The following HS3ST4 variants were observed in gnomAD, a reference collection of about 807,000 sequenced individuals.
HS3ST4 encodes heparan sulfate glucosamine 3-O-sulfotransferase 4.
HS3ST4 carries 17 observed loss-of-function variants against 29.2 expected under a neutral mutation model. The observed-to-expected ratio is 0.58, with a 90% CI of 0.40 to 0.87. HS3ST4 has a LOEUF of 0.87. Ranked by LOEUF, HS3ST4 falls within the 40% of genes least tolerant of loss-of-function variation. The pLI, the probability that HS3ST4 is intolerant of heterozygous loss-of-function variation, is 0.00. For missense variants in HS3ST4, 627 were observed against 634.5 expected (o/e 0.99, Z 0.13); for synonymous variants, 314 against 285.7 (o/e 1.10, Z -1.00).
chr16:26,127,512 A>T (rs952688148), intron 1 of HS3ST4, among the ~76,000 whole-genome samples: 4 of 152,188 alleles, frequency 2.6e-5, no homozygotes, highest in South Asian at 2.1e-4. Context: ...ATGTTGACAA[A>T]CCCTCATTTC....
At chr16:25,886,849 G>A (rs1347771180) in intron 1 of HS3ST4, 2 of 152,234 alleles carry the variant, frequency 1.3e-5, no homozygotes, top group African/African-American at 4.8e-5. Flanking sequence ...CGCAGGTGGT[G>A]CTTCTGACTT....
chr16:25,821,892 T>G (rs1161597567), intron 1 of HS3ST4, among the ~76,000 whole-genome samples: 1 of 152,016 alleles, frequency 6.6e-6, no homozygotes, highest in Non-Finnish European at 1.5e-5. Context: ...CAACTCCATC[T>G]CTTAAAGAAA....
intron 1 of HS3ST4, among the ~76,000 whole-genome samples, chr16:25,909,804 G>A (rs1567270293): frequency 3.3e-5 from 5 of 152,198 alleles, no homozygotes; most frequent in Admixed American, 2.0e-4. Flanking sequence ...TGGCTTGTGA[G>A]GGTCAGTACA....
intron 1 of HS3ST4, among the ~76,000 whole-genome samples, chr16:25,905,749 C>A (rs1221937571): frequency 6.6e-6 from 1 of 152,182 alleles, no homozygotes; most frequent in Non-Finnish European, 1.5e-5. Flanking sequence ...CTATATACCT[C>A]ATTCATGATT....
intron 1 of HS3ST4, among the ~76,000 whole-genome samples, chr16:25,977,883 C>T (rs1044130441): frequency 1.3e-5 from 2 of 152,152 alleles, no homozygotes; most frequent in Admixed American, 1.3e-4. Context: ...ATTGCCGCCC[C>T]CTGCCTAGAG....
At chr16:26,118,453 G>A (rs781397951) in intron 1 of HS3ST4, among the ~76,000 whole-genome samples, 14 of 152,114 alleles carry the variant, frequency 9.2e-5, no homozygotes, top group African/African-American at 2.2e-4. Context: ...AATTAGCATC[G>A]TCTAATGGAA....
rs1044718308 is a variant in HS3ST4, at chr16:25,924,795, C to T, written c.735-210817C>T. ...AATCACCTGAATTCTGTGTTGGTGT[C>T]TGGACTGATGAGCAACTAACCTCTA... On this transcript the variant is annotated intron_variant, in intron 1 of 1. Transcript: ENST00000331351. Among the ~76,000 whole-genome samples the T allele has an allele frequency of 9.2e-5, 14 of 152,266 alleles. No homozygotes were observed. In the East Asian group the frequency reaches 2.7e-3, roughly 30 times the overall value.
In HS3ST4 at chr16:25,926,721, T is replaced by C. The variant is rs976189255; in HGVS notation, c.735-208891T>C. On this transcript the variant is annotated intron_variant, in intron 1 of 1. Coordinates refer to ENST00000331351, the MANE Select transcript of HS3ST4 (RefSeq NM_006040.3). ...AAGAAAAGAACTTTTAGATAGTAAG[T>C]TGTAGTACCAGACCTTAGATCTGGT... is the stretch of plus-strand genomic sequence containing the variant. Among the ~76,000 whole-genome samples, 4 of 152,208 alleles carry C rather than the reference T, an allele frequency of 2.6e-5. 1 individual carries two copies. Among genetic ancestry groups the C allele is most frequent in the Non-Finnish European group, 5.9e-5 (4 of 68,038 alleles).
chr16:25,857,569 G>A (rs923524378), intron 1 of HS3ST4, among the ~76,000 whole-genome samples: 2 of 152,100 alleles, frequency 1.3e-5, no homozygotes, highest in African/African-American at 2.4e-5. Context: ...GGTGTTTATC[G>A]TGTTTGTACA....
chr16:26,136,097 G>A lies in HS3ST4; in HGVS notation c.1220G>A (p.Arg407Lys). ...LKKPEDSSAP[R>K]CLGKSKGRTH... ...AAGCCAGAAGACAGCAGTGCCCCGA[G>A]GTGCTTAGGCAAGAGCAAAGGTCGG... The change falls in exon 2 of 2, where the codon AGG becomes AAG. Residue 407 changes from arginine to lysine, a missense_variant. Physicochemically the swap from Arg to Lys is conservative, Grantham distance 26. Around this residue, in one of 2 missense-constraint regions of HS3ST4, gnomAD observed 225 missense variants for 293.7 expected, o/e 0.77. Transcript: ENST00000331351. 1 of 1,613,740 alleles carries A rather than the reference G, an allele frequency of 6.2e-7. No individual in the cohort carries two copies.
At position 25,692,910 on chromosome 16, in the gene HS3ST4, A is replaced by G. The variant is rs746118215; in HGVS notation, c.493A>G (p.Ser165Gly). 6 of 1,596,596 alleles carry G rather than the reference A, an allele frequency of 3.8e-6. No homozygotes were observed. The highest frequency in any genetic ancestry group is 2.3e-5 in the East Asian group (1 of 44,036). Residue 165 changes from serine to glycine, a missense_variant, in exon 1 of 2, where the codon AGC becomes GGC. Transcript: ENST00000331351. ...ALPEREAQES[S>G]TTDEDLAGRR... ...GCCGGAGAGGGAAGCGCAGGAGTCCAGCACCACCGACGAGGATCTCGCAGG... is the reference window on the plus strand; with the variant it reads ...GCCGGAGAGGGAAGCGCAGGAGTCCGGCACCACCGACGAGGATCTCGCAGG...
chr16:25,774,903 A>G (rs965821114), intron 1 of HS3ST4, among the ~76,000 whole-genome samples: 1 of 152,224 alleles, frequency 6.6e-6, no homozygotes, highest in Non-Finnish European at 1.5e-5. Context: ...CCAGGGATGC[A>G]GACACCTTTG....
At chr16:26,119,426 A>C (rs1899242560) in intron 1 of HS3ST4, among the ~76,000 whole-genome samples, 1 of 152,232 alleles carries the variant, frequency 6.6e-6, no homozygotes, top group Non-Finnish European at 1.5e-5. Flanking sequence ...GACTGACTAG[A>C]TGCACTTATT....
At chr16:25,799,567 C>G (rs996870820) in intron 1 of HS3ST4, among the ~76,000 whole-genome samples, 1 of 152,116 alleles carries the variant, frequency 6.6e-6, no homozygotes, top group Non-Finnish European at 1.5e-5. Flanking sequence ...ATACCTGCTG[C>G]TCTCAGCACA....
chr16:25,725,459 C>G (rs1340704268), intron 1 of HS3ST4, among the ~76,000 whole-genome samples: 1 of 152,120 alleles, frequency 6.6e-6, no homozygotes, highest in Non-Finnish European at 1.5e-5. Context: ...CAGAGGATAT[C>G]TTTTCTGTGC....
At chr16:26,010,177 G>A (rs1242342133) in intron 1 of HS3ST4, among the ~76,000 whole-genome samples, 7 of 152,140 alleles carry the variant, frequency 4.6e-5, no homozygotes, top group South Asian at 2.1e-4. Flanking sequence ...AATGTGGCCC[G>A]GCGCGGTGAC....
chr16:25,941,136 C>T (rs963878205), intron 1 of HS3ST4, among the ~76,000 whole-genome samples: 3 of 152,060 alleles, frequency 2.0e-5, no homozygotes, highest in Non-Finnish European at 2.9e-5. Flanking sequence ...CAACCCAATA[C>T]CCTGTTTTTT....
intron 1 of HS3ST4, among the ~76,000 whole-genome samples, chr16:25,725,658 C>G (rs541217709): frequency 3.3e-5 from 5 of 151,024 alleles, no homozygotes; most frequent in African/African-American, 1.2e-4. Flanking sequence ...ATTGTAAATT[C>G]TATATTGTGT....
At chr16:25,824,382 A>G (rs1349434754) in intron 1 of HS3ST4, among the ~76,000 whole-genome samples, 1 of 152,206 alleles carries the variant, frequency 6.6e-6, no homozygotes, top group African/African-American at 2.4e-5. Context: ...GAGACTGGGT[A>G]ATTTATAAAG....
Sources: allele counts gnomAD v4.1 joint callset (sites outside exome capture counted in the v4.1 genomes callset), GRCh38; gene constraint gnomAD v4.1.1; regional missense constraint gnomAD v4.1.1; transcripts MANE v1.5; gene names NCBI Gene and HGNC (gene_info 2026-07-23, HGNC 2026-07-21).